BMP7: variants seen among roughly 807,000 people sequenced by gnomAD.
The protein encoded by BMP7 is osteogenic protein 1.
Under a neutral mutation model 41.2 loss-of-function variants are expected in BMP7, and 12 were observed. The ratio of observed to expected loss-of-function variants is 0.29; its 90% CI spans 0.19 to 0.47. The LOEUF (loss-of-function observed/expected upper bound fraction) is 0.47. Ranked by LOEUF, BMP7 falls within the 20% of genes least tolerant of loss-of-function variation. BMP7 has a pLI of 0.99. For synonymous variants in BMP7, 248 were observed against 250.0 expected (o/e 0.99, Z 0.07); for missense variants, 467 against 606.0 (o/e 0.77, Z 2.41).
chr20:57,241,925 A>G (rs1209433032), intron 1 of BMP7, among the ~76,000 whole-genome samples: 1 of 152,226 alleles, frequency 6.6e-6, no homozygotes, highest in Non-Finnish European at 1.5e-5. Flanking sequence ...AGCTGAGGCC[A>G]GTTCTTTGCC....
At chr20:57,181,825 C>T (rs6025428) in intron 4 of BMP7, among the ~76,000 whole-genome samples, 146,393 of 152,320 alleles carry the variant, frequency 0.96, 70,644 homozygotes, top group South Asian at 1. Flanking sequence ...CTATAAGGAC[C>T]GATGGGACCA....
At chr20:57,221,422 C>T (rs933547697) in intron 2 of BMP7, among the ~76,000 whole-genome samples, 11 of 152,128 alleles carry the variant, frequency 7.2e-5, no homozygotes, top group African/African-American at 2.4e-4. Context: ...GTGTATCCAC[C>T]AGCCAAGGAA....
At position 57,214,081 on chromosome 20, in the gene BMP7, G is replaced by A. The variant is rs1020970136; in HGVS notation, c.612-11458C>T. On this transcript the variant is annotated intron_variant, in intron 2 of 6. Transcript: ENST00000395863. The surrounding 1 kb of genome is among the most constrained non-coding windows in gnomAD (Gnocchi z 4.0). Reference sequence around the variant, plus strand: ...ATGGAACCATCTTAGAACAAGGTGCGGAGCGAGCCCTCTGAACCGTATGGT... The same window carrying A: ...ATGGAACCATCTTAGAACAAGGTGCAGAGCGAGCCCTCTGAACCGTATGGT... Among the ~76,000 whole-genome samples the A allele has an allele frequency of 3.9e-5, 6 of 152,150 alleles. No individual in the cohort carries two copies. The highest frequency in any genetic ancestry group is 2.1e-4 in the South Asian group (1 of 4,824).
intron 3 of BMP7, among the ~76,000 whole-genome samples, chr20:57,193,886 C>T (rs1984432392): frequency 6.6e-6 from 1 of 152,206 alleles, no homozygotes; most frequent in South Asian, 2.1e-4. Flanking sequence ...AGCTGTCTGA[C>T]CAGACCTTTG....
intron 2 of BMP7, 105 bp from the exon 3 acceptor site, chr20:57,202,728 G>T (rs892865992): frequency 1.4e-5 from 18 of 1,254,042 alleles, no homozygotes; most frequent in South Asian, 2.8e-5. Flanking sequence ...GGGAGGGAAA[G>T]AGTCCACTGG....
chr20:57,221,464 G>A (rs1035661111), intron 2 of BMP7, among the ~76,000 whole-genome samples: 1 of 152,192 alleles, frequency 6.6e-6, no homozygotes, highest in Non-Finnish European at 1.5e-5. Context: ...AAAGATGGAA[G>A]CTTCTCATCC....
chr20:57,233,130 A>C lies in BMP7; in HGVS notation c.419-4709T>G, dbSNP rs572876957. On this transcript the variant is annotated intron_variant, in intron 1 of 6. Coordinates refer to ENST00000395863, the MANE Select transcript of BMP7 (RefSeq NM_001719.3). ...GTTACTGTATATAGTTGATTACCCA[A>C]GACTTGAGTTTTAAACTAAATGTCT... 3.9e-5 allele frequency among the ~76,000 whole-genome samples: 6 copies of C among 152,250 alleles called. No homozygotes were observed. In the South Asian group the frequency reaches 1.2e-3, roughly 32 times the overall value.
intron 2 of BMP7, among the ~76,000 whole-genome samples, chr20:57,212,957 C>T (rs1463272292): frequency 6.6e-6 from 1 of 152,252 alleles, no homozygotes; most frequent in South Asian, 2.1e-4. Context: ...ATCCCCCAGA[C>T]GGGAAGAGGA....
At chr20:57,263,684 C>T (rs1221836596) in intron 1 of BMP7, among the ~76,000 whole-genome samples, 1 of 152,186 alleles carries the variant, frequency 6.6e-6, no homozygotes, top group Non-Finnish European at 1.5e-5. Flanking sequence ...AAATCCCCCA[C>T]CAGAGAAAGG....
Position 57,170,965 on chromosome 20 carries a change from G to A in BMP7, c.1290C>T (p.Cys430=). ...GTCTGAATTCTCGGAGGAGCTAGTG[G>A]CAGCCACAGGCCCGGACCACCATGT... ...YRNMVVRACG[C]H Residue 430 remains cysteine, a synonymous_variant, in exon 7 of 7, where the codon TGC becomes TGT. Transcript: ENST00000395863. The A allele has an allele frequency of 6.2e-7, 1 of 1,613,382 alleles. No homozygotes were observed. Among genetic ancestry groups the A allele is most frequent in the Non-Finnish European group, 8.5e-7 (1 of 1,179,812 alleles).
rs1421740784 is a variant in BMP7, at chr20:57,259,489, G to A, written c.418+6216C>T. The stretch of plus-strand genomic sequence containing the variant: ...TAATGAAAAGCAGGGTTGTGTGAGA[G>A]GCTCTGGTTTGGAAATGCATTAACA... On this transcript the variant is annotated intron_variant, in intron 1 of 6. Transcript: ENST00000395863. This position sits in a 1 kb window ranked among gnomAD's most constrained non-coding sequence, Gnocchi z 4.7. Among the ~76,000 whole-genome samples, 2 of 152,208 alleles carry A rather than the reference G, an allele frequency of 1.3e-5. No individual in the cohort carries two copies. The highest frequency in any genetic ancestry group is 1.5e-5 in the Non-Finnish European group (1 of 68,040).
chr20:57,255,046 A>G (rs2066128831), intron 1 of BMP7, among the ~76,000 whole-genome samples: 1 of 152,126 alleles, frequency 6.6e-6, no homozygotes, highest in African/African-American at 2.4e-5. Context: ...CAGAAGGGAA[A>G]GGTGTGTGCC....
At chr20:57,203,240 A>G (rs150518995) in intron 2 of BMP7, among the ~76,000 whole-genome samples, 66 of 152,258 alleles carry the variant, frequency 4.3e-4, no homozygotes, top group African/African-American at 1.4e-3. Context: ...TTAGGAGGTG[A>G]ATCTCTGGAC....
chr20:57,242,772 G>A (rs2066074638), intron 1 of BMP7, among the ~76,000 whole-genome samples: 3 of 152,172 alleles, frequency 2.0e-5, no homozygotes. Flanking sequence ...GGAGGGCAAG[G>A]TGGGTGGATC....
chr20:57,266,155 G>T lies in BMP7; in HGVS notation c.-33C>A. The T allele has an allele frequency of 6.7e-7, 1 of 1,498,514 alleles. No individual in the cohort carries two copies. The highest frequency in any genetic ancestry group is 8.9e-7 in the Non-Finnish European group (1 of 1,129,718). The allele number at this position is 1,498,514 out of a possible 1,614,324, so 92.8% of individuals were successfully genotyped here. On this transcript the variant is annotated 5_prime_UTR_variant, in exon 1 of 7. Transcript: ENST00000395863. ...GCTCTACGCGCTACCCGGGCTCCGG[G>T]CTCCGGGCCCGCACCGCCCCAGGTG...
At chr20:57,210,390 A>G (rs1984850802) in intron 2 of BMP7, among the ~76,000 whole-genome samples, 1 of 152,132 alleles carries the variant, frequency 6.6e-6, no homozygotes, top group Non-Finnish European at 1.5e-5. Context: ...TTCTACCACA[A>G]TGGAAAAGGG....
intron 1 of BMP7, among the ~76,000 whole-genome samples, chr20:57,229,908 A>G (rs1451179943): frequency 6.6e-6 from 1 of 152,188 alleles, no homozygotes; most frequent in African/African-American, 2.4e-5. Context: ...AACCTTAACA[A>G]CAGTCCAAAA....
At position 57,214,768 on chromosome 20, in the gene BMP7, T is replaced by G. The variant is rs1984974277; in HGVS notation, c.612-12145A>C. 6.6e-6 allele frequency: 1 copy of G among 152,264 alleles called. No individual in the cohort carries two copies. Among genetic ancestry groups the G allele is most frequent in the African/African-American group, 2.4e-5 (1 of 41,420 alleles). 9.4% of individuals were successfully genotyped at this position (152,264 alleles called of 1,614,324 possible). ...CATCTGGGCTGGAGTTTCAGTTTGT[T>G]TGTATAGTTTTTTGGGTTCTCCTCT... On this transcript the variant is annotated intron_variant, in intron 2 of 6. Transcript: ENST00000395863. The surrounding 1 kb of genome is among the most constrained non-coding windows in gnomAD (Gnocchi z 4.0).
At chr20:57,195,677 GCTCCTT>G (rs1360682460) in intron 3 of BMP7, among the ~76,000 whole-genome samples, 2 of 152,374 alleles carry the variant, frequency 1.3e-5, no homozygotes, top group East Asian at 3.9e-4. Flanking sequence ...TCACCTCCTG[GCTCCTT>G]CCTCAGCTGC....
Sources: gnomAD v4.1 joint callset for allele counts (sites outside exome capture counted in the v4.1 genomes callset) on GRCh38, gnomAD v4.1.1 for gene constraint, Gnocchi (gnomAD v3.1) non-coding constraint, MANE v1.5 for transcripts, NCBI Gene and HGNC (gene_info 2026-07-23, HGNC 2026-07-21) for gene names.